Variants in ISLR2 observed in about 807,000 individuals in gnomAD.
ISLR2 encodes immunoglobulin superfamily containing leucine rich repeat 2, also known as immunoglobulin superfamily containing leucine-rich repeat protein 2.
In ISLR2, 16 loss-of-function variants were observed where a neutral mutation model predicts 25.5. The observed-to-expected ratio is 0.63, with a 90% CI of 0.43 to 0.95. The LOEUF (loss-of-function observed/expected upper bound fraction) is 0.95. Ranked by LOEUF, ISLR2 falls within the 40% of genes least tolerant of loss-of-function variation. ISLR2 has a pLI of 0.00. For missense variants in ISLR2, 883 were observed against 1,030.7 expected, an observed-to-expected ratio of 0.86 and a Z score of 1.96; for synonymous variants, 508 against 486.6, an observed-to-expected ratio of 1.04 and a Z score of -0.58.
At chr15:74,108,353 G>A (rs768811910) in intron 2 of ISLR2, among the ~76,000 whole-genome samples, 6 of 152,124 alleles carry the variant, frequency 3.9e-5, no homozygotes, top group African/African-American at 7.2e-5. Context: ...ATCCAAACAA[G>A]TCCCTGTGTG....
chr15:74,138,640 G>A (rs1305388695), downstream of ISLR2: 2 of 152,244 alleles, frequency 1.3e-5, no homozygotes, highest in East Asian at 3.9e-4. Flanking sequence ...GACATGGGTA[G>A]CTGTGGGCCA....
chr15:74,120,497 G>A (rs974060833), intron 2 of ISLR2, among the ~76,000 whole-genome samples: 8 of 150,112 alleles, frequency 5.3e-5, no homozygotes, highest in African/African-American at 2.0e-4. Context: ...AAACCAGCCT[G>A]GGCAATAGAG....
downstream of ISLR2, among the ~76,000 whole-genome samples, chr15:74,137,666 C>T (rs766150732): frequency 2.7e-4 from 41 of 152,110 alleles, no homozygotes; most frequent in Non-Finnish European, 5.0e-4. Context: ...TGGGAAGAGG[C>T]GGGGAAGAGA....
At chr15:74,125,520 A>C (rs1271842669), upstream of ISLR2, among the ~76,000 whole-genome samples, 1 of 152,242 alleles carries the variant, frequency 6.6e-6, no homozygotes, top group Non-Finnish European at 1.5e-5. Flanking sequence ...GATTACAGGC[A>C]TGAGCCATCT....
chr15:74,109,076 T>C (rs911291718), intron 2 of ISLR2, among the ~76,000 whole-genome samples: 2 of 152,236 alleles, frequency 1.3e-5, no homozygotes, highest in Admixed American at 6.5e-5. Flanking sequence ...TTAAGAAATA[T>C]AGAAAAGTTA....
rs753131161 is a variant in ISLR2, at chr15:74,133,759, C to G, written c.1005C>G (p.Leu335=). Residue 335 remains leucine, a synonymous_variant, in exon 3 of 3, where the codon CTC becomes CTG. Coordinates refer to ENST00000453268, the MANE Select transcript of ISLR2 (RefSeq NM_020851.3). ...APPATPRFLA[L]ANGSLLVPLL... is the part of the protein sequence containing the mutation. ...CAGCCACACCGCGCTTCCTGGCCCTCGCAAATGGCTCCCTGTTGGTGCCCC... is the reference window on the plus strand; with the variant it reads ...CAGCCACACCGCGCTTCCTGGCCCTGGCAAATGGCTCCCTGTTGGTGCCCC... 1.2e-6 allele frequency: 2 copies of G among 1,613,650 alleles called. No individual in the cohort carries two copies. The highest frequency in any genetic ancestry group is 1.7e-5 in the Admixed American group (1 of 59,958).
intron 2 of ISLR2, among the ~76,000 whole-genome samples, chr15:74,109,885 T>C (rs2072152452): frequency 6.6e-6 from 1 of 152,084 alleles, no homozygotes; most frequent in Non-Finnish European, 1.5e-5. Context: ...AGCCTCAAAC[T>C]CCCAGGCTTA....
intron 2 of ISLR2, among the ~76,000 whole-genome samples, chr15:74,104,970 C>T (rs2141925079): frequency 1.2e-5 from 1 of 81,792 alleles, no homozygotes; most frequent in South Asian, 5.2e-4. Context: ...GCATGTGACC[C>T]CGCTATAACC....
At position 74,115,100 on chromosome 15, in the gene ISLR2, G is replaced by A. The variant is rs541336046; in HGVS notation, n.228+11186G>A. 1.4e-4 allele frequency among the ~76,000 whole-genome samples: 22 copies of A among 152,228 alleles called. No individual in the cohort carries two copies. The South Asian group carries it at 3.9e-3, about 27-fold the overall frequency. On this transcript the variant is annotated intron_variant and non_coding_transcript_variant, in intron 2 of 3. Transcript: ENST00000561975. The stretch of plus-strand genomic sequence containing the variant: ...CCAGAAAGCAGACAGAAGAATCCCC[G>A]GAGCTCACAACAGGCTAGAGAGAAT...
At chr15:74,118,086 A>G (rs534298065) in intron 2 of ISLR2, among the ~76,000 whole-genome samples, 6 of 152,292 alleles carry the variant, frequency 3.9e-5, no homozygotes, top group African/African-American at 1.4e-4. Flanking sequence ...GATATTTCAC[A>G]TAGGTTCTTT....
At chr15:74,114,386 A>G (rs779457321) in intron 2 of ISLR2, among the ~76,000 whole-genome samples, 36 of 152,234 alleles carry the variant, frequency 2.4e-4, no homozygotes, top group Non-Finnish European at 4.1e-4. Context: ...AAAAATATAT[A>G]TGAAAGTTCA....
At position 74,135,095 on chromosome 15, in the gene ISLR2, C is replaced by T. The variant is rs1475767197; in HGVS notation, c.*103C>T. On this transcript the variant is annotated 3_prime_UTR_variant, in exon 3 of 3. Transcript: ENST00000453268. ...TTATGTCCCCCGTCCCCAACCTTCA[C>T]CTACTCCTCCCCCTTACTACTCCCC... is the stretch of plus-strand genomic sequence containing the variant. The T allele has an allele frequency of 7.3e-7, 1 of 1,376,616 alleles. No homozygotes were observed. The highest frequency in any genetic ancestry group is 1.4e-5 in the African/African-American group (1 of 69,538). 85.3% of individuals were successfully genotyped at this position (1,376,616 alleles called of 1,614,324 possible). A position where few individuals can be genotyped will look rare whatever the true frequency, so the allele number is the denominator to read the frequency against.
chr15:74,138,605 C>T (rs1321548021), downstream of ISLR2: 1 of 152,394 alleles, frequency 6.6e-6, no homozygotes, highest in Non-Finnish European at 1.5e-5. Flanking sequence ...TACAAAGATT[C>T]TTAGAAATGT....
Position 74,133,519 on chromosome 15 carries a change from G to A in ISLR2, c.765G>A (p.Ala255=), listed in dbSNP as rs2072479779. 3.1e-6 allele frequency: 5 copies of A among 1,613,984 alleles called. No individual in the cohort carries two copies. Among genetic ancestry groups the A allele is most frequent in the Non-Finnish European group, 3.4e-6 (4 of 1,179,998 alleles). The stretch of plus-strand genomic sequence containing the variant: ...GCACCCCACTGCGCGCAGGACTGGC[G>A]TTCGTGTTACACTGCATCGCCGACG... The part of the protein sequence containing the change: ...APGTPLRAGL[A]FVLHCIADGH... The change falls in exon 3 of 3, where the codon GCG becomes GCA. Residue 255 remains alanine, a synonymous_variant. Transcript: ENST00000453268.
intron 2 of ISLR2, among the ~76,000 whole-genome samples, chr15:74,115,297 A>C (rs764256298): frequency 6.6e-6 from 1 of 152,256 alleles, no homozygotes; most frequent in Non-Finnish European, 1.5e-5. Context: ...CAACTTATTT[A>C]AAGTAACTTA....
At chr15:74,112,469 A>ATGTAGTTACT (rs2141930732) in intron 2 of ISLR2, among the ~76,000 whole-genome samples, 1 of 151,700 alleles carries the variant, frequency 6.6e-6, no homozygotes, top group South Asian at 2.1e-4. Context: ...TAACGTATGT[A>ATGTAGTTACT]TGTAGTTACT....
rs1187312625 is a variant in ISLR2 at position 74,134,463 on chromosome 15, T to C, written c.1709T>C (p.Leu570Pro). The C allele has an allele frequency of 6.2e-7, 1 of 1,609,538 alleles. No homozygotes were observed. The highest frequency in any genetic ancestry group is 8.5e-7 in the Non-Finnish European group (1 of 1,179,052). Residue 570 changes from leucine to proline, a missense_variant, in exon 3 of 3, where the codon CTG becomes CCG. By Grantham distance (98) the Leu-to-Pro change is moderately conservative. Transcript: ENST00000453268. ...PGTNYSVCLALAGEACHVQVV... is the reference protein window; with the variant it reads ...PGTNYSVCLAPAGEACHVQVV... ...ACCAACTACTCCGTGTGCCTGGCGC[T>C]GGCGGGCGAAGCCTGCCACGTGCAA...
upstream of ISLR2, chr15:74,126,896 TTGTGTGTGTGTGTGTGTG>T (rs56301942): frequency 0.016 from 1,908 of 122,398 alleles, 17 homozygotes; most frequent in African/African-American, 0.027. Flanking sequence ...GAGAGAACAT[TTGTGTGTGTGTGTGTGTG>T]TGTGTGTGTG....
chr15:74,108,300 A>G (rs2072137954), intron 2 of ISLR2, among the ~76,000 whole-genome samples: 2 of 152,134 alleles, frequency 1.3e-5, no homozygotes, highest in Admixed American at 6.5e-5. Flanking sequence ...GCTTTTCCCC[A>G]AGGGGCTGGA....
Sources: gnomAD v4.1 joint callset for allele counts (sites outside exome capture counted in the v4.1 genomes callset) on GRCh38, gnomAD v4.1.1 for gene constraint, MANE v1.5 for transcripts, NCBI Gene and HGNC (gene_info 2026-07-23, HGNC 2026-07-21) for gene names.